Variants in DMD observed in about 807,000 individuals in gnomAD.
The protein encoded by DMD is mutant dystrophin.
DMD carries 63 observed loss-of-function variants against 330.1 expected under a neutral mutation model. The ratio of observed to expected loss-of-function variants is 0.19; its 90% CI spans 0.16 to 0.24. The LOEUF (loss-of-function observed/expected upper bound fraction) is 0.24. Among genes scored for constraint, DMD ranks in the 10% least tolerant of loss-of-function variants. The pLI, the probability that DMD is intolerant of heterozygous loss-of-function variation, is 1.00. For synonymous variants in DMD, 1,223 were observed against 959.8 expected, an observed-to-expected ratio of 1.27 and a Z score of -5.07; for missense variants, 3,344 against 2,684.1, an observed-to-expected ratio of 1.25 and a Z score of -5.43.
chrX:33,282,763 G>C (rs113115405), intron 1 of DMD, among the ~76,000 whole-genome samples: 1,256 of 112,066 alleles, frequency 0.011, 22 homozygotes, highest in African/African-American at 0.039. Context: ...TATTGTCTGA[G>C]AGACTCCTAT....
intron 44 of DMD, among the ~76,000 whole-genome samples, chrX:32,213,180 C>A (rs1040440296): frequency 8.0e-5 from 9 of 112,243 alleles, no homozygotes; most frequent in Non-Finnish European, 1.7e-4. Flanking sequence ...ATATGGGCTG[C>A]TTGGTTGATT....
intron 30 of DMD, among the ~76,000 whole-genome samples, chrX:32,405,122 G>A (rs926933064): frequency 1.8e-5 from 2 of 111,480 alleles, no homozygotes; most frequent in Non-Finnish European, 3.8e-5. Flanking sequence ...ATTACTAGTA[G>A]GGAACCATCC....
chrX:31,983,828 G>A (rs988750618), intron 44 of DMD, among the ~76,000 whole-genome samples: 5 of 111,907 alleles, frequency 4.5e-5, no homozygotes, highest in African/African-American at 1.6e-4. Context: ...CGTGAAGTAT[G>A]AGGTCAGAAA....
At chrX:32,563,296 T>C (rs1377408156) in intron 16 of DMD, among the ~76,000 whole-genome samples, 1 of 98,708 alleles carries the variant, frequency 1.0e-5, no homozygotes, top group Non-Finnish European at 2.0e-5. Flanking sequence ...TGAGCTGAGA[T>C]TGTGCCACTG....
chrX:31,235,740 T>A (rs1305468884), intron 63 of DMD, among the ~76,000 whole-genome samples: 5 of 112,602 alleles, frequency 4.4e-5, no homozygotes, highest in Admixed American at 1.9e-4. Context: ...GCTTACTCCT[T>A]ACAACCTGAG....
At chrX:31,960,972 T>A (rs2095297510) in intron 45 of DMD, among the ~76,000 whole-genome samples, 2 of 111,649 alleles carry the variant, frequency 1.8e-5, no homozygotes, top group Non-Finnish European at 3.8e-5. Context: ...ATCTAAAACA[T>A]CTTGTGGCTA....
intron 43 of DMD, among the ~76,000 whole-genome samples, chrX:32,258,295 C>T (rs1048390503): frequency 9.0e-6 from 1 of 111,549 alleles, no homozygotes; most frequent in Non-Finnish European, 1.9e-5. Context: ...ACCATTTGAC[C>T]CAGCAATCCC....
At chrX:31,649,495 T>C (rs2080311454) in intron 54 of DMD, among the ~76,000 whole-genome samples, 1 of 111,493 alleles carries the variant, frequency 9.0e-6, no homozygotes, top group South Asian at 3.8e-4. Context: ...ACCTTTTAGA[T>C]CCATATGGAT....
chrX:31,523,094 A>G (rs1420457228), intron 55 of DMD, among the ~76,000 whole-genome samples: 1 of 111,140 alleles, frequency 9.0e-6, no homozygotes, highest in Non-Finnish European at 1.9e-5. Context: ...AGAGATCATG[A>G]TTCTGTATGT....
chrX:32,586,349 C>G (rs5972610), intron 13 of DMD, among the ~76,000 whole-genome samples: 2 of 107,799 alleles, frequency 1.9e-5, no homozygotes, highest in Non-Finnish European at 3.8e-5. Flanking sequence ...AAACTATATA[C>G]ATATATAAAC....
chrX:32,423,120 T>C (rs909339665), intron 29 of DMD, among the ~76,000 whole-genome samples: 3 of 111,205 alleles, frequency 2.7e-5, no homozygotes, highest in Non-Finnish European at 3.8e-5. Flanking sequence ...AATGCTACTT[T>C]ATCAATCCAT....
At chrX:31,517,265 C>T (rs1445702269) in intron 55 of DMD, among the ~76,000 whole-genome samples, 2 of 111,682 alleles carry the variant, frequency 1.8e-5, no homozygotes, top group Non-Finnish European at 3.8e-5. Context: ...AACCCAATGC[C>T]TAACCTATTG....
chrX:32,643,391 G>T (rs1354633507), intron 11 of DMD, among the ~76,000 whole-genome samples: 2 of 108,458 alleles, frequency 1.8e-5, no homozygotes, highest in Admixed American at 9.9e-5. Context: ...ATAAACTTAA[G>T]GCATTTGGAC....
intron 63 of DMD, among the ~76,000 whole-genome samples, chrX:31,238,274 C>A (rs775151932): frequency 3.6e-5 from 4 of 111,311 alleles, no homozygotes; most frequent in Admixed American, 1.9e-4. Context: ...CCTTTCTCTG[C>A]CTCTCTGTTT....
At chrX:32,031,925 C>G (rs2095887404) in intron 44 of DMD, among the ~76,000 whole-genome samples, 1 of 111,946 alleles carries the variant, frequency 8.9e-6, no homozygotes. Context: ...ACTTCGAGTT[C>G]AAGCTCATGC....
chrX:31,539,434 G>T (rs957315855), intron 55 of DMD, among the ~76,000 whole-genome samples: 1 of 111,802 alleles, frequency 8.9e-6, no homozygotes, highest in African/African-American at 3.3e-5. Flanking sequence ...CCTAAGATTT[G>T]CTGCCTTTCA....
At position 32,595,814 on chromosome X, in the gene DMD, C is replaced by T; in HGVS notation, c.1545G>A (p.Val515=). ...VRVNSLTHMV[V]VVDESSGDHA... ...GATCTCCACTAGATTCATCAACTAC[C>T]ACCACCATGTGAGTGAGAGAATTGA... is the stretch of plus-strand genomic sequence containing the variant. The change falls in exon 13 of 79, where the codon GTG becomes GTA. Residue 515 remains valine (V), a synonymous_variant. Coordinates refer to ENST00000357033, the MANE Select transcript of DMD (RefSeq NM_004006.3). The T allele has an allele frequency of 3.3e-6, 4 of 1,203,558 alleles. No homozygotes were observed. Among genetic ancestry groups the T allele is most frequent in the Non-Finnish European group, 3.4e-6 (3 of 888,135 alleles).
intron 17 of DMD, among the ~76,000 whole-genome samples, chrX:32,526,707 C>T (rs1000936528): frequency 8.9e-6 from 1 of 112,036 alleles, no homozygotes; most frequent in African/African-American, 3.2e-5. Context: ...GGCAAAAACA[C>T]ATACAAACAT....
chrX:32,702,981 C>A (rs1452364121), intron 7 of DMD, among the ~76,000 whole-genome samples: 2 of 111,175 alleles, frequency 1.8e-5, no homozygotes, highest in African/African-American at 6.5e-5. Context: ...TTCAATCTAC[C>A]CTATTTATTC....
Sources: gnomAD v4.1 joint callset for allele counts (sites outside exome capture counted in the v4.1 genomes callset) on GRCh38, gnomAD v4.1.1 for gene constraint, MANE v1.5 for transcripts, NCBI Gene and HGNC (gene_info 2026-07-23, HGNC 2026-07-21) for gene names.